SNX29: variants seen among roughly 807,000 people sequenced by gnomAD.
The protein encoded by SNX29 is sorting nexin-29.
SNX29 carries 78 observed loss-of-function variants against 102.1 expected under a neutral mutation model. That is an observed-to-expected ratio of 0.76 (90% CI 0.64 to 0.92). SNX29 has a LOEUF of 0.92. Among genes scored for constraint, SNX29 ranks in the 40% least tolerant of loss-of-function variants. SNX29 has a pLI of 0.00. For synonymous variants in SNX29, 580 were observed against 414.5 expected (o/e 1.40, Z -4.85); for missense variants, 1,280 against 1,061.7 (o/e 1.21, Z -2.86).
intron 15 of SNX29, among the ~76,000 whole-genome samples, chr16:12,331,594 A>G (rs2081293816): frequency 6.6e-6 from 1 of 152,136 alleles, no homozygotes. Context: ...TCTGTTGCCC[A>G]GGCTGGAGTG....
intron 15 of SNX29, among the ~76,000 whole-genome samples, chr16:12,328,374 A>G (rs564254695): frequency 1.2e-4 from 18 of 152,328 alleles, no homozygotes; most frequent in African/African-American, 4.3e-4. Flanking sequence ...CTTAGAAGTA[A>G]AGAAAATTCT....
intron 18 of SNX29, among the ~76,000 whole-genome samples, chr16:12,447,721 C>T (rs780781483): frequency 1.3e-5 from 2 of 152,144 alleles, no homozygotes; most frequent in South Asian, 2.1e-4. Flanking sequence ...ATTGCCAGCT[C>T]GTGTGTTATT....
intron 15 of SNX29, among the ~76,000 whole-genome samples, chr16:12,313,293 C>T (rs748532560): frequency 1.3e-5 from 2 of 152,176 alleles, no homozygotes; most frequent in Admixed American, 6.5e-5. Flanking sequence ...GGATTACAGG[C>T]GTGAGCCACT....
chr16:12,354,850 AG>A (rs2082087336), intron 15 of SNX29, among the ~76,000 whole-genome samples: 2 of 152,234 alleles, frequency 1.3e-5, no homozygotes, highest in Admixed American at 6.5e-5. Context: ...CAAAGAAAAA[AG>A]CTGGCAGAAA....
At chr16:12,243,290 G>A (rs2078166821) in intron 14 of SNX29, among the ~76,000 whole-genome samples, 1 of 152,236 alleles carries the variant, frequency 6.6e-6, no homozygotes, top group Admixed American at 6.5e-5. Context: ...GGTGACCAAA[G>A]TCTGACCCCC....
intron 14 of SNX29, among the ~76,000 whole-genome samples, chr16:12,248,388 C>A (rs1419294185): frequency 6.7e-6 from 1 of 150,118 alleles, no homozygotes; most frequent in East Asian, 1.9e-4. Flanking sequence ...CCATCCAGAT[C>A]TCTGCTTTTT....
chr16:12,540,363 T>C (rs1441148284), intron 20 of SNX29, among the ~76,000 whole-genome samples: 3 of 152,214 alleles, frequency 2.0e-5, no homozygotes, highest in East Asian at 3.8e-4. Context: ...CCTGTATTAA[T>C]TTCTTATTGT....
intron 10 of SNX29, among the ~76,000 whole-genome samples, chr16:12,076,147 G>C (rs535749284): frequency 4.6e-5 from 7 of 152,134 alleles, no homozygotes; most frequent in Non-Finnish European, 8.8e-5. Context: ...ACCCTGCTTT[G>C]GCTGGTGCAT....
intron 19 of SNX29, among the ~76,000 whole-genome samples, chr16:12,501,166 CAA>C (rs1005666206): frequency 2.0e-5 from 3 of 152,026 alleles, no homozygotes; most frequent in Non-Finnish European, 2.9e-5. Context: ...GAGATCAAGA[CAA>C]GAGGATTGGT....
intron 18 of SNX29, among the ~76,000 whole-genome samples, chr16:12,413,318 C>A (rs566311874): frequency 2.0e-5 from 3 of 152,136 alleles, no homozygotes; most frequent in African/African-American, 7.2e-5. Flanking sequence ...AGGCAAAATA[C>A]GTTAGCAGTA....
intron 14 of SNX29, among the ~76,000 whole-genome samples, chr16:12,239,686 A>G (rs2078042775): frequency 7.2e-6 from 1 of 139,454 alleles, no homozygotes; most frequent in African/African-American, 2.6e-5. Context: ...CGGTGTGGTG[A>G]TGTGCACAAT....
chr16:12,572,343 G>T lies in SNX29; in HGVS notation c.*3714G>T, dbSNP rs117922914. The T allele has an allele frequency of 9.4e-6, 10 of 1,063,426 alleles. No homozygotes were observed. In the South Asian group the frequency reaches 1.8e-4, roughly 19 times the overall value. The allele number at this position is 1,063,426 out of a possible 1,614,324, so 65.9% of individuals were successfully genotyped here. A position where few individuals can be genotyped will look rare whatever the true frequency, so the allele number is the denominator to read the frequency against. ...AGGAGTGAAGCCCACCAGCCTGCCT[G>T]GTTGATGGACAGCAGGCTCTGCCTT... On this transcript the variant is annotated 3_prime_UTR_variant, in exon 21 of 21. Transcript: ENST00000566228.
intron 20 of SNX29, among the ~76,000 whole-genome samples, chr16:12,555,309 C>G (rs1001052697): frequency 5.3e-5 from 8 of 151,574 alleles, no homozygotes; most frequent in African/African-American, 1.7e-4. Context: ...GTCAATCCCT[C>G]TCATAGCCCC....
intron 15 of SNX29, among the ~76,000 whole-genome samples, chr16:12,350,846 A>G (rs1413242467): frequency 1.3e-5 from 2 of 152,192 alleles, no homozygotes; most frequent in Non-Finnish European, 2.9e-5. Context: ...TTCAGGGGCC[A>G]AGACCCAGAA....
At chr16:12,436,059 A>G (rs74487774) in intron 18 of SNX29, among the ~76,000 whole-genome samples, 9,667 of 152,236 alleles carry the variant, frequency 0.064, 529 homozygotes, top group East Asian at 0.28. Flanking sequence ...GCGGGTGTCA[A>G]TGGCACTCAA....
At chr16:12,113,426 G>A (rs2053573484) in intron 11 of SNX29, among the ~76,000 whole-genome samples, 1 of 152,168 alleles carries the variant, frequency 6.6e-6, no homozygotes, top group South Asian at 2.1e-4. Context: ...ATTTCTCAAA[G>A]TGTCAGGTGC....
chr16:12,434,388 C>T (rs905335185), intron 18 of SNX29, among the ~76,000 whole-genome samples: 1 of 152,024 alleles, frequency 6.6e-6, no homozygotes, highest in Non-Finnish European at 1.5e-5. Context: ...CAGGCCTGTA[C>T]CCTGAAAACT....
chr16:12,556,664 G>A (rs12149441), intron 20 of SNX29: 16,856 of 152,212 alleles, frequency 0.11, 1,120 homozygotes, highest in Non-Finnish European at 0.14. Context: ...AGAGACAGAA[G>A]TGGAAGCAGT....
intron 19 of SNX29, among the ~76,000 whole-genome samples, chr16:12,495,019 C>G (rs1421789101): frequency 2.6e-5 from 4 of 152,178 alleles, no homozygotes; most frequent in African/African-American, 4.8e-5. Context: ...GCATCCCTGC[C>G]TCACCTCATG....
Sources: allele counts gnomAD v4.1 joint callset (sites outside exome capture counted in the v4.1 genomes callset), GRCh38; gene constraint gnomAD v4.1.1; transcripts MANE v1.5; gene names NCBI Gene and HGNC (gene_info 2026-07-23, HGNC 2026-07-21).